Variants in BMPER observed in about 807,000 individuals in gnomAD.
BMPER encodes BMP binding endothelial regulator, also known as BMP-binding endothelial regulator protein.
A neutral mutation model predicts 87.3 loss-of-function variants in BMPER; 45 were observed. That is an observed-to-expected ratio of 0.52 (90% CI 0.41 to 0.66). The LOEUF (loss-of-function observed/expected upper bound fraction) is 0.66. BMPER is among the 30% of genes least tolerant of loss of function. BMPER has a pLI of 0.00. For synonymous variants in BMPER, 326 were observed against 316.2 expected (o/e 1.03, Z -0.33); for missense variants, 784 against 867.5 (o/e 0.90, Z 1.21).
chr7:34,086,870 A>G (rs1585818477), intron 13 of BMPER, among the ~76,000 whole-genome samples: 1 of 152,168 alleles, frequency 6.6e-6, no homozygotes, highest in South Asian at 2.1e-4. Flanking sequence ...TTCAAGAGCT[A>G]TGGCTGCCTA....
Position 34,046,290 on chromosome 7 carries a change from T to TC in BMPER, c.577-16_577-15insC. 6.2e-7 allele frequency: 1 copy of TC among 1,609,436 alleles called. No individual in the cohort carries two copies. Among genetic ancestry groups the TC allele is most frequent in the Non-Finnish European group, 8.5e-7 (1 of 1,175,782 alleles). ...TTACTTTTCTAAATATGCTTTTTTT[T>TC]TCTCTCTTTTCTTAGGGAGGCAGGA... On this transcript the variant is annotated splice_polypyrimidine_tract_variant and intron_variant, in intron 6 of 14. Coordinates refer to ENST00000649409, the MANE Select transcript of BMPER (RefSeq NM_001365308.1).
chr7:34,090,396 C>T (rs1789346848), intron 13 of BMPER, among the ~76,000 whole-genome samples: 1 of 152,158 alleles, frequency 6.6e-6, no homozygotes, highest in Admixed American at 6.5e-5. Context: ...TCTCTCTTCT[C>T]CAGCCTCATA....
chr7:34,105,392 G>A (rs919789998), intron 13 of BMPER, among the ~76,000 whole-genome samples: 8 of 152,076 alleles, frequency 5.3e-5, no homozygotes, highest in Non-Finnish European at 1.2e-4. Flanking sequence ...GTTCAATTTG[G>A]GTTTTGTTCT....
intron 12 of BMPER, among the ~76,000 whole-genome samples, chr7:34,080,342 A>G (rs1216245476): frequency 2.6e-5 from 4 of 152,210 alleles, no homozygotes; most frequent in Non-Finnish European, 4.4e-5. Context: ...ATTTGAGCTT[A>G]TGGAATGCCA....
chr7:34,086,360 C>T (rs1466571646), intron 13 of BMPER, among the ~76,000 whole-genome samples: 2 of 152,198 alleles, frequency 1.3e-5, no homozygotes, highest in Non-Finnish European at 2.9e-5. Flanking sequence ...AAGCTGGCTA[C>T]ACTGCAGGGT....
At chr7:34,038,537 T>C (rs1170529849) in intron 6 of BMPER, among the ~76,000 whole-genome samples, 2 of 152,176 alleles carry the variant, frequency 1.3e-5, no homozygotes, top group South Asian at 2.1e-4. Context: ...ATAGCAGCAA[T>C]AGAAAACTTA....
chr7:34,085,693 C>T, intron 12 of BMPER, 63 bp from the exon 13 acceptor site: 1 of 1,415,038 alleles, frequency 7.1e-7, no homozygotes, highest in East Asian at 2.4e-5. Context: ...AGGATGTATA[C>T]ATTTGGGAAT....
chr7:34,131,117 A>G (rs1463072432), intron 13 of BMPER, among the ~76,000 whole-genome samples: 1 of 152,042 alleles, frequency 6.6e-6, no homozygotes, highest in Non-Finnish European at 1.5e-5. Context: ...GGAAGCTGGC[A>G]TGGAGGGGAA....
At chr7:34,020,461 A>G (rs1787149517) in intron 6 of BMPER, among the ~76,000 whole-genome samples, 1 of 151,940 alleles carries the variant, frequency 6.6e-6, no homozygotes, top group Admixed American at 6.6e-5. Context: ...ATCAGAAATG[A>G]TTAAATTCTA....
chr7:34,045,081 A>C (rs564952907), intron 6 of BMPER, among the ~76,000 whole-genome samples: 1 of 152,242 alleles, frequency 6.6e-6, no homozygotes, highest in South Asian at 2.1e-4. Flanking sequence ...CTTGAGATAT[A>C]AATTATGCAC....
At chr7:34,143,410 A>C (rs1033608016) in intron 14 of BMPER, 50 bp downstream of exon 14, 1 of 1,610,908 alleles carries the variant, frequency 6.2e-7, no homozygotes, top group African/African-American at 1.3e-5. Context: ...TGCAATGCCC[A>C]AGATGGCAAT....
chr7:34,043,746 T>C (rs375316259), intron 6 of BMPER, among the ~76,000 whole-genome samples: 28 of 152,228 alleles, frequency 1.8e-4, no homozygotes, highest in African/African-American at 6.3e-4. Context: ...AATGGAATGA[T>C]GGATAGATGC....
chr7:33,923,963 C>T (rs1432254384), intron 2 of BMPER, among the ~76,000 whole-genome samples: 1 of 152,124 alleles, frequency 6.6e-6, no homozygotes, highest in African/African-American at 2.4e-5. Flanking sequence ...CTGATAGTTT[C>T]CACATCTATG....
At chr7:34,128,068 C>T (rs1192151725) in intron 13 of BMPER, among the ~76,000 whole-genome samples, 1 of 152,300 alleles carries the variant, frequency 6.6e-6, no homozygotes, top group East Asian at 1.9e-4. Flanking sequence ...CAACACTTAC[C>T]TTTCCCATTG....
chr7:34,080,141 G>T (rs907813312), intron 12 of BMPER, among the ~76,000 whole-genome samples: 1 of 152,150 alleles, frequency 6.6e-6, no homozygotes, highest in Non-Finnish European at 1.5e-5. Flanking sequence ...AAGGAAATCA[G>T]TGTATTTCTT....
intron 6 of BMPER, among the ~76,000 whole-genome samples, chr7:34,024,387 AT>A (rs1562695241): frequency 5.1e-4 from 3 of 5,914 alleles, no homozygotes; most frequent in South Asian, 5.4e-3. Flanking sequence ...AAAAAACAAT[AT>A]ATATATATAT....
chr7:33,950,037 A>G (rs1171884660), intron 3 of BMPER, among the ~76,000 whole-genome samples: 1 of 152,230 alleles, frequency 6.6e-6, no homozygotes, highest in South Asian at 2.1e-4. Flanking sequence ...TGTCAAATTT[A>G]TCTCAACCCA....
chr7:34,103,308 G>A (rs1789731691), intron 13 of BMPER, among the ~76,000 whole-genome samples: 1 of 152,148 alleles, frequency 6.6e-6, no homozygotes, highest in Non-Finnish European at 1.5e-5. Flanking sequence ...AAGTGGACCT[G>A]GCACTTCTGC....
intron 2 of BMPER, among the ~76,000 whole-genome samples, chr7:33,935,065 ATG>A (rs1435022935): frequency 6.6e-6 from 1 of 152,252 alleles, no homozygotes; most frequent in African/African-American, 2.4e-5. Flanking sequence ...TGTAAAAAAT[ATG>A]TCTCTTTATT....
Sources: gnomAD v4.1 joint callset for allele counts (sites outside exome capture counted in the v4.1 genomes callset) on GRCh38, gnomAD v4.1.1 for gene constraint, MANE v1.5 for transcripts, NCBI Gene and HGNC (gene_info 2026-07-23, HGNC 2026-07-21) for gene names.